The following MID2 variants were observed in gnomAD, a reference collection of about 807,000 sequenced individuals.
MID2 encodes the protein midline 2.
Under a neutral mutation model 46.1 loss-of-function variants are expected in MID2, and 13 were observed. The ratio of observed to expected loss-of-function variants is 0.28; its 90% CI spans 0.18 to 0.45. The LOEUF (loss-of-function observed/expected upper bound fraction) is 0.45, where lower values mean the gene tolerates loss of function less well. Among genes scored for constraint, MID2 ranks in the 20% least tolerant of loss-of-function variants. The probability of loss-of-function intolerance (pLI) is 1.00; values close to 1 mark genes in which losing one functional copy is unlikely to be tolerated. For missense variants in MID2, 431 were observed against 575.4 expected, an observed-to-expected ratio of 0.75 and a Z score of 2.57; for synonymous variants, 199 against 212.3, an observed-to-expected ratio of 0.94 and a Z score of 0.55.
intron 5 of MID2, among the ~76,000 whole-genome samples, chrX:107,912,882 T>C (rs1932912239): frequency 9.0e-6 from 1 of 111,452 alleles, no homozygotes; most frequent in Non-Finnish European, 1.9e-5. Context: ...CCATTATGCA[T>C]TGTATTGTGT....
intron 2 of MID2, among the ~76,000 whole-genome samples, chrX:107,853,753 T>C (rs1448598084): frequency 9.0e-6 from 1 of 111,450 alleles, no homozygotes; most frequent in Non-Finnish European, 1.9e-5. Context: ...TGAAGGACCC[T>C]ACTGATAAAT....
intron 3 of MID2, among the ~76,000 whole-genome samples, chrX:107,890,719 G>C (rs1602489238): frequency 8.9e-6 from 1 of 111,880 alleles, no homozygotes; most frequent in East Asian, 2.8e-4. Context: ...CCCAGAGATG[G>C]AGTCTACAGA....
At position 107,845,525 on chromosome X, in the gene MID2, A is replaced by ACACTCTCTCTCTCTCT. The variant is rs1276957001; in HGVS notation, c.720+4141_720+4142insACTCTCTCTCTCTCTC. Reference sequence around the variant, plus strand: ...CACACACACACACACACACACACACACTCTCTCTCTCTCTCTCTCTCTCTC... The same window carrying ACACTCTCTCTCTCTCT: ...CACACACACACACACACACACACACACACTCTCTCTCTCTCTCTCTCTCTCTCTCTCTCTCTCTCTC... On this transcript the variant is annotated intron_variant, in intron 2 of 9. Coordinates refer to ENST00000262843, the MANE Select transcript of MID2 (RefSeq NM_012216.4). Among the ~76,000 whole-genome samples, 155 of 72,934 alleles carry ACACTCTCTCTCTCTCT rather than the reference A, an allele frequency of 2.1e-3. 4 individuals are homozygous for ACACTCTCTCTCTCTCT. The highest frequency in any genetic ancestry group is 0.011 in the African/African-American group (146 of 13,200). The allele number at this position is 72,934 out of a possible 115,157, so 63.3% of individuals were successfully genotyped here.
In MID2 at chrX:107,928,819, A is replaced by G. The variant is rs1933234125; in HGVS notation, c.*1746A>G. 8.9e-6 allele frequency among the ~76,000 whole-genome samples: 1 copy of G among 112,286 alleles called. No individual in the cohort carries two copies. The highest frequency in any genetic ancestry group is 3.6e-4 in the South Asian group (1 of 2,747). ...AAGGCAAGACTGATGCAGACACACAAGGAAGGCTCAAAAATATAAATCTAG... is the reference window on the plus strand; with the variant it reads ...AAGGCAAGACTGATGCAGACACACAGGGAAGGCTCAAAAATATAAATCTAG... On this transcript the variant is annotated 3_prime_UTR_variant, in exon 10 of 10. Transcript: ENST00000262843.
At chrX:107,844,929 C>A (rs992971089) in intron 2 of MID2, among the ~76,000 whole-genome samples, 1 of 111,838 alleles carries the variant, frequency 8.9e-6, no homozygotes, top group African/African-American at 3.2e-5. Context: ...TAGTATTCTC[C>A]TTAGTTTCTA....
intron 2 of MID2, among the ~76,000 whole-genome samples, chrX:107,843,834 G>T (rs1027586061): frequency 3.6e-5 from 4 of 110,522 alleles, no homozygotes; most frequent in Admixed American, 9.8e-5. Context: ...TAGTCTGCTT[G>T]ATTCTTCCCC....
intron 3 of MID2, among the ~76,000 whole-genome samples, chrX:107,860,784 T>C (rs902627321): frequency 1.8e-5 from 2 of 112,506 alleles, no homozygotes; most frequent in African/African-American, 6.5e-5. Flanking sequence ...GCTTAATATG[T>C]GTTAACTCAT....
At position 107,927,023 on chromosome X, in the gene MID2, T is replaced by G. The variant is rs752712773; in HGVS notation, c.2158T>G (p.Cys720Gly). 3 of 1,208,986 alleles carry G rather than the reference T, an allele frequency of 2.5e-6. No homozygotes were observed. In the African/African-American group the frequency reaches 5.2e-5, roughly 21 times the overall value. Residue 720 changes from cysteine (C) to glycine (G), a missense_variant, in exon 10 of 10, where the codon TGC becomes GGC. Transcript: ENST00000262843. Reference sequence around the variant, plus strand: ...TTACCCTGAGCGGCAGGAATGCAACTGCAGGCCTCAAGAATCCCCTTATGT... The same window carrying G: ...TTACCCTGAGCGGCAGGAATGCAACGGCAGGCCTCAAGAATCCCCTTATGT... ...IDYPERQECN[C>G]RPQESPYVSG...
intron 3 of MID2, among the ~76,000 whole-genome samples, chrX:107,873,723 T>C (rs1932129166): frequency 8.9e-6 from 1 of 112,282 alleles, no homozygotes; most frequent in Admixed American, 9.4e-5. Flanking sequence ...GCCAATCTAT[T>C]TTGCTTGGCT....
Position 107,897,521 on chromosome X carries a change from G to A in MID2, c.817-6437G>A, listed in dbSNP as rs766187915. On this transcript the variant is annotated intron_variant, in intron 3 of 9. Transcript: ENST00000262843. ...CCCTGCTTCATTTAGTCATACTTAC[G>A]TAAAGCTGGAAGGACCATCTTTGAA... 5.4e-5 allele frequency among the ~76,000 whole-genome samples: 6 copies of A among 111,876 alleles called. No homozygotes were observed. The East Asian group carries it at 1.1e-3, about 21-fold the overall frequency.
At chrX:107,896,012 A>G (rs1233045573) in intron 3 of MID2, 4 of 112,555 alleles carry the variant, frequency 3.6e-5, no homozygotes, top group Non-Finnish European at 7.5e-5. Flanking sequence ...TACATAAAAT[A>G]CCAGATGAAA....
chrX:107,911,098 C>T (rs1172136411), intron 5 of MID2, among the ~76,000 whole-genome samples: 1 of 108,749 alleles, frequency 9.2e-6, no homozygotes, highest in Non-Finnish European at 1.9e-5. Context: ...CAGTGATCTG[C>T]CCACCTTGGC....
At chrX:107,912,751 G>A (rs1288219730) in intron 5 of MID2, among the ~76,000 whole-genome samples, 1 of 110,744 alleles carries the variant, frequency 9.0e-6, no homozygotes, top group Non-Finnish European at 1.9e-5. Flanking sequence ...AATCTTCTTT[G>A]CATAGGCTCA....
At chrX:107,892,132 G>A (rs952055003) in intron 3 of MID2, among the ~76,000 whole-genome samples, 2 of 111,932 alleles carry the variant, frequency 1.8e-5, no homozygotes, top group Admixed American at 9.5e-5. Context: ...TGGGAGGAGT[G>A]CTTATGTCAG....
At chrX:107,923,332 T>C (rs778590034) in intron 7 of MID2, among the ~76,000 whole-genome samples, 1 of 112,368 alleles carries the variant, frequency 8.9e-6, no homozygotes, top group South Asian at 3.7e-4. Context: ...GAAGTCTAAA[T>C]AATCTGCAGA....
At chrX:107,875,115 G>T (rs888103592) in intron 3 of MID2, among the ~76,000 whole-genome samples, 12 of 111,984 alleles carry the variant, frequency 1.1e-4, no homozygotes, top group African/African-American at 2.9e-4. Context: ...AGGTAACACT[G>T]TCCAGGTTAA....
chrX:107,859,551 C>T (rs768166901), intron 3 of MID2, among the ~76,000 whole-genome samples: 2 of 111,874 alleles, frequency 1.8e-5, no homozygotes, highest in Non-Finnish European at 3.8e-5. Context: ...GGCACCTGCC[C>T]TCAAGGAACA....
At chrX:107,850,640 G>A (rs1165925520) in intron 2 of MID2, among the ~76,000 whole-genome samples, 1 of 112,327 alleles carries the variant, frequency 8.9e-6, no homozygotes, top group Non-Finnish European at 1.9e-5. Context: ...ATCTAGCTCT[G>A]TGTTGTTAAC....
At chrX:107,915,497 G>A (rs1932953956) in intron 5 of MID2, among the ~76,000 whole-genome samples, 1 of 109,844 alleles carries the variant, frequency 9.1e-6, no homozygotes, top group Admixed American at 9.7e-5. Context: ...GGCAGAGATT[G>A]CAGTGAACTG....
Sources: allele counts gnomAD v4.1 joint callset (sites outside exome capture counted in the v4.1 genomes callset), GRCh38; gene constraint gnomAD v4.1.1; transcripts MANE v1.5; gene names NCBI Gene and HGNC (gene_info 2026-07-23, HGNC 2026-07-21).